The following ZFHX3 variants were observed in gnomAD, a reference collection of about 807,000 sequenced individuals.
ZFHX3 encodes the protein zinc finger homeobox 3, also known as zinc finger homeobox protein 3.
Under a neutral mutation model 279.1 loss-of-function variants are expected in ZFHX3, and 42 were observed. The ratio of observed to expected loss-of-function variants is 0.15; its 90% CI spans 0.12 to 0.19. ZFHX3 has a LOEUF of 0.19. Ranked by LOEUF, ZFHX3 falls within the 10% of genes least tolerant of loss-of-function variation. The probability of loss-of-function intolerance (pLI) is 1.00; values close to 1 mark genes in which losing one functional copy is unlikely to be tolerated. For missense variants in ZFHX3, 4,981 were observed against 4,754.0 expected, an observed-to-expected ratio of 1.05 and a Z score of -1.40; for synonymous variants, 2,293 against 1,957.8, an observed-to-expected ratio of 1.17 and a Z score of -4.52.
intron 3 of ZFHX3, among the ~76,000 whole-genome samples, chr16:72,948,588 G>A (rs1450015944): frequency 1.3e-5 from 2 of 152,176 alleles, no homozygotes; most frequent in Non-Finnish European, 2.9e-5. Flanking sequence ...GTGCCTGACA[G>A]ACTCTTATTC....
chr16:73,549,623 A>G (rs2020173360), intron 2 of ZFHX3, among the ~76,000 whole-genome samples: 1 of 152,146 alleles, frequency 6.6e-6, no homozygotes, highest in African/African-American at 2.4e-5. Flanking sequence ...TTTGAAAAAC[A>G]CTCTGCTTCT....
intron 1 of ZFHX3, among the ~76,000 whole-genome samples, chr16:73,771,440 C>G (rs1217988448): frequency 1.3e-5 from 2 of 152,166 alleles, no homozygotes; most frequent in African/African-American, 4.8e-5. Context: ...GGTCATACCA[C>G]ATGAAACTTC....
At chr16:73,481,131 C>A (rs577268878) in intron 2 of ZFHX3, among the ~76,000 whole-genome samples, 2 of 152,170 alleles carry the variant, frequency 1.3e-5, no homozygotes, top group South Asian at 4.2e-4. Context: ...AGGTTTGAGA[C>A]CAGCCCGGCC....
chr16:73,325,983 C>T (rs939297887), intron 3 of ZFHX3, among the ~76,000 whole-genome samples: 1 of 149,636 alleles, frequency 6.7e-6, no homozygotes, highest in Non-Finnish European at 1.5e-5. Flanking sequence ...TCAGCTGAGG[C>T]TATATCGTGA....
chr16:73,424,578 C>G (rs1341723694), intron 3 of ZFHX3, among the ~76,000 whole-genome samples: 2 of 151,694 alleles, frequency 1.3e-5, no homozygotes, highest in Non-Finnish European at 2.9e-5. Context: ...GACCCTGTCT[C>G]TACAAAAAAT....
chr16:72,978,049 G>A (rs1472408933), intron 1 of ZFHX3, among the ~76,000 whole-genome samples: 2 of 152,108 alleles, frequency 1.3e-5, no homozygotes, highest in Non-Finnish European at 2.9e-5. Context: ...ATTTTTAGTA[G>A]AAACGGGGTT....
At chr16:73,051,621 C>T (rs937003962), upstream of ZFHX3, among the ~76,000 whole-genome samples, 2 of 152,222 alleles carry the variant, frequency 1.3e-5, no homozygotes, top group African/African-American at 4.8e-5. Flanking sequence ...CTCCCCAGCT[C>T]AGGTGCTAAA....
intron 3 of ZFHX3, among the ~76,000 whole-genome samples, chr16:73,437,230 A>C (rs1315413270): frequency 6.6e-6 from 1 of 152,184 alleles, no homozygotes; most frequent in African/African-American, 2.4e-5. Flanking sequence ...AGATGAAAAA[A>C]CTTAGGGCCA....
At chr16:73,842,027 C>A (rs1438704214) in intron 1 of ZFHX3, among the ~76,000 whole-genome samples, 2 of 151,220 alleles carry the variant, frequency 1.3e-5, no homozygotes, top group Non-Finnish European at 2.9e-5. Context: ...CCAGCCTGAC[C>A]AACATGGTGA....
chr16:73,480,064 T>G (rs987196215), intron 2 of ZFHX3, among the ~76,000 whole-genome samples: 12 of 152,202 alleles, frequency 7.9e-5, no homozygotes, highest in Non-Finnish European at 1.3e-4. Context: ...CAGTTCATTC[T>G]CTCAATCTCT....
intron 5 of ZFHX3, among the ~76,000 whole-genome samples, chr16:73,154,088 C>T (rs983022119): frequency 3.3e-5 from 5 of 152,100 alleles, no homozygotes; most frequent in Non-Finnish European, 7.4e-5. Context: ...GCGACCATTG[C>T]GAAAATGTGC....
At chr16:73,671,599 G>A (rs2052904785) in intron 2 of ZFHX3, among the ~76,000 whole-genome samples, 3 of 152,230 alleles carry the variant, frequency 2.0e-5, no homozygotes, top group South Asian at 4.1e-4. Context: ...GCAGTGAAAT[G>A]TAAATACATG....
chr16:72,975,521 C>A (rs1334919292), intron 1 of ZFHX3, among the ~76,000 whole-genome samples: 1 of 152,140 alleles, frequency 6.6e-6, no homozygotes, highest in African/African-American at 2.4e-5. Flanking sequence ...GATCACATGT[C>A]CCCTTCTTCA....
At chr16:73,527,344 C>A (rs556673903) in intron 2 of ZFHX3, among the ~76,000 whole-genome samples, 56 of 152,234 alleles carry the variant, frequency 3.7e-4, no homozygotes, top group African/African-American at 1.2e-3. Context: ...AGAGGTTGTA[C>A]TTTTGAGACA....
intron 2 of ZFHX3, among the ~76,000 whole-genome samples, chr16:73,595,814 C>A (rs2052043122): frequency 6.6e-6 from 1 of 152,070 alleles, no homozygotes; most frequent in South Asian, 2.1e-4. Context: ...ATTTGGTTAC[C>A]TATGCCTGAG....
intron 4 of ZFHX3, among the ~76,000 whole-genome samples, chr16:73,306,394 A>T (rs2015180977): frequency 6.6e-6 from 1 of 152,182 alleles, no homozygotes; most frequent in Admixed American, 6.5e-5. Flanking sequence ...ATCTCGGCTC[A>T]CTGTAACATC....
Position 72,787,848 on chromosome 16 carries a change from G to C in ZFHX3, c.10428C>G (p.Asp3476Glu), listed in dbSNP as rs746576275. 2 of 1,613,888 alleles carry C rather than the reference G, an allele frequency of 1.2e-6. No individual in the cohort carries two copies. The highest frequency in any genetic ancestry group is 1.7e-6 in the Non-Finnish European group (2 of 1,179,980). ...TCAGGTGGCTCCTCGCTGCCTCCTC[G>C]TCGCTGAAGCCCGCCTGGCACTTGC... ...VCRKCQAGFS[D>E]EEAARSHLKS... The change falls in exon 10 of 10, where the codon GAC (aspartate) becomes GAG (glutamate). Residue 3476 changes from aspartate to glutamate, a missense_variant. By Grantham distance (45) the Asp-to-Glu change is conservative. Around this residue, in one of 7 missense-constraint regions of ZFHX3, gnomAD observed 1,034 missense variants for 786.0 expected, o/e 1.32. Transcript: ENST00000268489.
At chr16:73,782,236 T>G (rs144592073) in intron 1 of ZFHX3, among the ~76,000 whole-genome samples, 2 of 152,200 alleles carry the variant, frequency 1.3e-5, no homozygotes, top group Non-Finnish European at 2.9e-5. Context: ...CTTGAGCCTC[T>G]GTTTTGTTGG....
At chr16:73,779,766 G>A (rs1789187814) in intron 1 of ZFHX3, among the ~76,000 whole-genome samples, 1 of 152,080 alleles carries the variant, frequency 6.6e-6, no homozygotes, top group African/African-American at 2.4e-5. Flanking sequence ...TCGTCAGGTT[G>A]GAGGGCAATA....
Sources: allele counts gnomAD v4.1 joint callset (sites outside exome capture counted in the v4.1 genomes callset), GRCh38; gene constraint gnomAD v4.1.1; regional missense constraint gnomAD v4.1.1; transcripts MANE v1.5; gene names NCBI Gene and HGNC (gene_info 2026-07-23, HGNC 2026-07-21).